Variants in CCSER1 observed in about 807,000 individuals in gnomAD.
CCSER1 encodes the protein serine-rich coiled-coil domain-containing protein 1.
In CCSER1, 41 loss-of-function variants were observed where a neutral mutation model predicts 82.0. The observed-to-expected ratio is 0.50, with a 90% CI of 0.39 to 0.65. The LOEUF (loss-of-function observed/expected upper bound fraction) is 0.65. Ranked by LOEUF, CCSER1 falls within the 30% of genes least tolerant of loss-of-function variation. The pLI, the probability that CCSER1 is intolerant of heterozygous loss-of-function variation, is 0.00. For synonymous variants in CCSER1, 414 were observed against 383.9 expected (o/e 1.08, Z -0.92); for missense variants, 1,119 against 1,064.2 (o/e 1.05, Z -0.72).
intron 5 of CCSER1, among the ~76,000 whole-genome samples, chr4:90,609,553 A>G (rs934245437): frequency 2.6e-5 from 4 of 152,134 alleles, no homozygotes; most frequent in Non-Finnish European, 5.9e-5. Flanking sequence ...TTCAAACTTC[A>G]GTGGGAATAC....
At chr4:91,574,080 C>T (rs150708158) in intron 10 of CCSER1, among the ~76,000 whole-genome samples, 1 of 152,046 alleles carries the variant, frequency 6.6e-6, no homozygotes, top group East Asian at 1.9e-4. Flanking sequence ...AATATTCCTA[C>T]TACCCAAAGT....
chr4:90,217,090 T>C (rs1366515563), intron 1 of CCSER1, among the ~76,000 whole-genome samples: 4 of 152,220 alleles, frequency 2.6e-5, no homozygotes, highest in Non-Finnish European at 5.9e-5. Flanking sequence ...TGGATGTTAT[T>C]GGTGTATAGC....
intron 9 of CCSER1, among the ~76,000 whole-genome samples, chr4:90,947,693 A>G (rs1344621295): frequency 6.6e-6 from 1 of 152,150 alleles, no homozygotes. Context: ...TGTTATTTCA[A>G]CAACACTTTT....
At chr4:91,545,361 G>T (rs1390154788) in intron 10 of CCSER1, among the ~76,000 whole-genome samples, 2 of 152,088 alleles carry the variant, frequency 1.3e-5, no homozygotes, top group Non-Finnish European at 2.9e-5. Flanking sequence ...GATGAAACAG[G>T]TACCTCAGTT....
At chr4:90,404,811 G>A (rs183931036) in intron 4 of CCSER1, among the ~76,000 whole-genome samples, 105 of 152,260 alleles carry the variant, frequency 6.9e-4, no homozygotes, top group Admixed American at 2.7e-3. Flanking sequence ...TAGGGGAAGG[G>A]GGAGAGTACC....
intron 10 of CCSER1, among the ~76,000 whole-genome samples, chr4:91,092,126 C>T (rs1413110230): frequency 6.6e-6 from 1 of 152,128 alleles, no homozygotes; most frequent in Non-Finnish European, 1.5e-5. Flanking sequence ...GATATACTTT[C>T]CCTAAACTAT....
At chr4:91,434,611 C>G (rs1754534912) in intron 10 of CCSER1, among the ~76,000 whole-genome samples, 1 of 152,006 alleles carries the variant, frequency 6.6e-6, no homozygotes, top group African/African-American at 2.4e-5. Context: ...TAAGAATATC[C>G]ACAGCTTTCC....
chr4:91,445,416 C>G (rs1221976865), intron 10 of CCSER1, among the ~76,000 whole-genome samples: 1 of 148,498 alleles, frequency 6.7e-6, no homozygotes, highest in Admixed American at 6.7e-5. Context: ...CTCATTTTAG[C>G]CATCTTTTCC....
At chr4:91,067,453 C>G (rs1291323345) in intron 9 of CCSER1, among the ~76,000 whole-genome samples, 1 of 151,804 alleles carries the variant, frequency 6.6e-6, no homozygotes, top group African/African-American at 2.4e-5. Context: ...TCAAACAGTC[C>G]TCCCTCCTCA....
At position 90,637,768 on chromosome 4, in the gene CCSER1, C is replaced by T. The variant is rs531533913; in HGVS notation, c.1932+9536C>T. Among the ~76,000 whole-genome samples, 17 of 152,170 alleles carry T rather than the reference C, an allele frequency of 1.1e-4. No individual in the cohort carries two copies. The South Asian group carries it at 3.5e-3, about 32-fold the overall frequency. On this transcript the variant is annotated intron_variant, in intron 6 of 10. Coordinates refer to ENST00000509176, the MANE Select transcript of CCSER1 (RefSeq NM_001145065.2). ...CTAAAAATTCTTGCTCTTTGTTCTG[C>T]CCTCTATGTTCTTTGTTCTAACCTC...
intron 4 of CCSER1, among the ~76,000 whole-genome samples, chr4:90,449,087 T>A (rs1761091372): frequency 6.6e-6 from 1 of 152,086 alleles, no homozygotes; most frequent in Non-Finnish European, 1.5e-5. Flanking sequence ...AGTGGATAGC[T>A]CCTCTCCACA....
At chr4:91,314,387 C>A (rs892612142) in intron 10 of CCSER1, among the ~76,000 whole-genome samples, 1 of 151,902 alleles carries the variant, frequency 6.6e-6, no homozygotes, top group South Asian at 2.1e-4. Flanking sequence ...ACCTTATAAT[C>A]CTTCTTTTCT....
At position 91,555,747 on chromosome 4, in the gene CCSER1, A is replaced by C. The variant is rs571654508; in HGVS notation, c.2218-42825A>C. Among the ~76,000 whole-genome samples, 16 of 151,210 alleles carry C rather than the reference A, an allele frequency of 1.1e-4. No individual in the cohort carries two copies. The South Asian group carries it at 3.3e-3, about 32-fold the overall frequency. On this transcript the variant is annotated intron_variant, in intron 10 of 10. Coordinates refer to ENST00000509176, the MANE Select transcript of CCSER1 (RefSeq NM_001145065.2). ...ATCTACCTCAATTTCATCTTATTTT[A>C]TGTTTTTACTTTTTTGCAATGTATC...
intron 5 of CCSER1, among the ~76,000 whole-genome samples, chr4:90,622,572 T>A (rs1331472595): frequency 2.0e-5 from 3 of 152,158 alleles, no homozygotes; most frequent in African/African-American, 7.2e-5. Context: ...TCCAGCTTCA[T>A]CCATGTCACT....
rs138918295 is a variant in CCSER1, at chr4:90,575,913, G to A, written c.1725-52112G>A. Among the ~76,000 whole-genome samples the A allele has an allele frequency of 1.1e-4, 16 of 152,200 alleles. No homozygotes were observed. The South Asian group carries it at 2.1e-3, about 20-fold the overall frequency. On this transcript the variant is annotated intron_variant, in intron 5 of 10. Coordinates refer to ENST00000509176, the MANE Select transcript of CCSER1 (RefSeq NM_001145065.2). ...ACTCTCATTCTCTGGAGGCTCTGCTGTGAGTATATTTGCTTTAAGCATATC... is the reference window on the plus strand; with the variant it reads ...ACTCTCATTCTCTGGAGGCTCTGCTATGAGTATATTTGCTTTAAGCATATC...
chr4:91,091,570 C>T lies in CCSER1; in HGVS notation c.2217+5576C>T, dbSNP rs531167438. Among the ~76,000 whole-genome samples the T allele has an allele frequency of 6.6e-5, 10 of 152,336 alleles. No individual in the cohort carries two copies. In the South Asian group the frequency reaches 1.2e-3, roughly 19 times the overall value. On this transcript the variant is annotated intron_variant, in intron 10 of 10. Transcript: ENST00000509176. ...AAATAAGTCCCACGACTATTTTCCT[C>T]ATGCTTCAGCCATGCGTAGACCAGT...
intron 1 of CCSER1, among the ~76,000 whole-genome samples, chr4:90,170,678 A>G (rs1731493713): frequency 6.6e-6 from 1 of 151,872 alleles, no homozygotes; most frequent in South Asian, 2.1e-4. Flanking sequence ...AGTTCCGTCC[A>G]TGTTTTTGCA....
chr4:91,014,396 A>T (rs1739250343), intron 9 of CCSER1, among the ~76,000 whole-genome samples: 1 of 134,818 alleles, frequency 7.4e-6, no homozygotes, highest in African/African-American at 2.5e-5. Flanking sequence ...TCCTACCCTT[A>T]GAGTACCTCT....
intron 10 of CCSER1, among the ~76,000 whole-genome samples, chr4:91,527,316 G>A (rs1490162780): frequency 1.3e-5 from 2 of 152,176 alleles, no homozygotes; most frequent in African/African-American, 4.8e-5. Flanking sequence ...AGAATCTGAA[G>A]TGTCTTGAAT....
Sources: allele counts gnomAD v4.1 joint callset (sites outside exome capture counted in the v4.1 genomes callset), GRCh38; gene constraint gnomAD v4.1.1; transcripts MANE v1.5; gene names NCBI Gene and HGNC (gene_info 2026-07-23, HGNC 2026-07-21).